The following GRM5 variants were observed in gnomAD, a reference collection of about 807,000 sequenced individuals.
GRM5 encodes glutamate metabotropic receptor 5.
Under a neutral mutation model 83.1 loss-of-function variants are expected in GRM5, and 19 were observed. That is an observed-to-expected ratio of 0.23 (90% CI 0.16 to 0.34). The LOEUF (loss-of-function observed/expected upper bound fraction) is 0.34, where lower values mean the gene tolerates loss of function less well. Ranked by LOEUF, GRM5 falls within the 10% of genes least tolerant of loss-of-function variation. The probability of loss-of-function intolerance (pLI) is 1.00; values close to 1 mark genes in which losing one functional copy is unlikely to be tolerated. For synonymous variants in GRM5, 675 were observed against 633.6 expected, an observed-to-expected ratio of 1.07 and a Z score of -0.98; for missense variants, 1,160 against 1,588.3, an observed-to-expected ratio of 0.73 and a Z score of 4.58.
At chr11:88,513,236 T>C (rs1941430132) in intron 9 of GRM5, among the ~76,000 whole-genome samples, 1 of 152,182 alleles carries the variant, frequency 6.6e-6, no homozygotes, top group South Asian at 2.1e-4. Flanking sequence ...TGATGGGACA[T>C]TATGAAGGCA....
intron 3 of GRM5, among the ~76,000 whole-genome samples, chr11:88,828,515 A>G (rs1249807463): frequency 6.6e-6 from 1 of 152,198 alleles, no homozygotes; most frequent in Admixed American, 6.5e-5. Context: ...GAAAATAAGT[A>G]AATTGATAAA....
At chr11:88,520,677 A>G (rs914666929) in intron 9 of GRM5, among the ~76,000 whole-genome samples, 2 of 152,138 alleles carry the variant, frequency 1.3e-5, no homozygotes, top group Non-Finnish European at 2.9e-5. Flanking sequence ...TTGGTTCATA[A>G]TAGGTGCTTA....
At chr11:88,650,037 A>G (rs1939589489) in intron 4 of GRM5, among the ~76,000 whole-genome samples, 1 of 151,938 alleles carries the variant, frequency 6.6e-6, no homozygotes, top group Non-Finnish European at 1.5e-5. Flanking sequence ...GAATGTGATA[A>G]GAACCAACTT....
intron 3 of GRM5, among the ~76,000 whole-genome samples, chr11:88,738,925 G>A (rs749585995): frequency 6.6e-6 from 1 of 151,878 alleles, no homozygotes; most frequent in African/African-American, 2.4e-5. Flanking sequence ...TCTCTTCTTC[G>A]CCTATCTTTA....
At chr11:88,808,762 C>T (rs1489093337) in intron 3 of GRM5, among the ~76,000 whole-genome samples, 1 of 151,978 alleles carries the variant, frequency 6.6e-6, no homozygotes, top group Admixed American at 6.6e-5. Flanking sequence ...TAGATGAACT[C>T]CTGGCTTGGC....
chr11:88,771,836 G>A (rs184741207), intron 3 of GRM5, among the ~76,000 whole-genome samples: 15 of 151,976 alleles, frequency 9.9e-5, no homozygotes, highest in African/African-American at 2.2e-4. Context: ...TTATATAATC[G>A]GCATACAGAA....
intron 3 of GRM5, among the ~76,000 whole-genome samples, chr11:88,825,953 C>A (rs1422932583): frequency 6.6e-6 from 1 of 151,998 alleles, no homozygotes; most frequent in African/African-American, 2.4e-5. Flanking sequence ...AAATAAAATG[C>A]ATTATATTTT....
chr11:89,036,868 T>A (rs2135133846), intron 2 of GRM5, among the ~76,000 whole-genome samples: 1 of 152,270 alleles, frequency 6.6e-6, no homozygotes, highest in African/African-American at 2.4e-5. Context: ...TTTATAATAC[T>A]TTTAAAAGCA....
intron 3 of GRM5, among the ~76,000 whole-genome samples, chr11:88,753,204 A>G (rs1942320148): frequency 6.6e-6 from 1 of 152,160 alleles, no homozygotes; most frequent in African/African-American, 2.4e-5. Flanking sequence ...CAATCTATCC[A>G]TCTGACAAAA....
intron 3 of GRM5, among the ~76,000 whole-genome samples, chr11:88,845,269 C>T (rs1944278433): frequency 6.6e-6 from 1 of 151,368 alleles, no homozygotes; most frequent in African/African-American, 2.4e-5. Context: ...TGAGGCAAGA[C>T]CCTCAACTAG....
At position 89,047,650 on chromosome 11, in the gene GRM5, T is replaced by C; in HGVS notation, c.223A>G (p.Thr75Ala). 6.2e-7 allele frequency: 1 copy of C among 1,613,922 alleles called. No individual in the cohort carries two copies. Residue 75 changes from threonine (T) to alanine (A), a missense_variant, in exon 2 of 10, where the codon ACC (threonine) becomes GCC (alanine). Physicochemically the swap from Thr to Ala is moderately conservative, Grantham distance 58 (BLOSUM62 0). Coordinates refer to ENST00000305447, the MANE Select transcript of GRM5 (RefSeq NM_001143831.3). The surrounding 1 kb of genome is among the most constrained non-coding windows in gnomAD (Gnocchi z 5.1). ...GIQRVEAMLH[T>A]LERINSDPTL... ...GGGTCTGAATTGATCCTTTCCAGGG[T>C]ATGCAGCATGGCCTCCACTCTCTGA...
chr11:89,001,272 A>T (rs1940369577), intron 2 of GRM5, among the ~76,000 whole-genome samples: 1 of 152,110 alleles, frequency 6.6e-6, no homozygotes, highest in Non-Finnish European at 1.5e-5. Context: ...AAGTGCTAGA[A>T]TGTTCACAGC....
intron 3 of GRM5, among the ~76,000 whole-genome samples, chr11:88,723,952 C>CTTCTATTTGGATATCCA (rs1351423766): frequency 2.0e-5 from 3 of 152,078 alleles, no homozygotes; most frequent in East Asian, 3.9e-4. Context: ...GGGGATTGGG[C>CTTCTATTTGGATATCCA]TTCTATTTGG....
chr11:88,851,772 T>A (rs1944393540), intron 2 of GRM5, among the ~76,000 whole-genome samples: 1 of 152,316 alleles, frequency 6.6e-6, no homozygotes, highest in Admixed American at 6.5e-5. Context: ...GCAGAGCAGG[T>A]CAGCTTGAAT....
intron 3 of GRM5, among the ~76,000 whole-genome samples, chr11:88,714,249 G>A (rs573438802): frequency 1.3e-5 from 2 of 152,116 alleles, no homozygotes; most frequent in East Asian, 1.9e-4. Flanking sequence ...TACAGGCCAT[G>A]TACTGGGTTT....
chr11:88,555,094 A>G (rs982022364), intron 8 of GRM5, among the ~76,000 whole-genome samples: 14 of 152,270 alleles, frequency 9.2e-5, no homozygotes, highest in Non-Finnish European at 1.5e-4. Context: ...GTCCCTTACC[A>G]GCTATGTAAT....
At chr11:88,879,365 T>C (rs1764394739) in intron 2 of GRM5, among the ~76,000 whole-genome samples, 1 of 151,756 alleles carries the variant, frequency 6.6e-6, no homozygotes, top group Non-Finnish European at 1.5e-5. Flanking sequence ...AATTCAATTT[T>C]TTACATTGGG....
chr11:88,924,282 A>C (rs557863572), intron 2 of GRM5, among the ~76,000 whole-genome samples: 72 of 152,202 alleles, frequency 4.7e-4, no homozygotes, highest in African/African-American at 1.6e-3. Flanking sequence ...AACTACTATA[A>C]AACCAGCAAT....
chr11:88,798,077 T>C (rs1258033267), intron 3 of GRM5, among the ~76,000 whole-genome samples: 2 of 152,140 alleles, frequency 1.3e-5, no homozygotes, highest in African/African-American at 4.8e-5. Flanking sequence ...TTCTCCTTTC[T>C]CTTAGCAAAT....
Sources: gnomAD v4.1 joint callset for allele counts (sites outside exome capture counted in the v4.1 genomes callset) on GRCh38, gnomAD v4.1.1 for gene constraint, Gnocchi (gnomAD v3.1) non-coding constraint, MANE v1.5 for transcripts, NCBI Gene and HGNC (gene_info 2026-07-23, HGNC 2026-07-21) for gene names.